The following MEI4 variants were observed in gnomAD, a reference collection of about 807,000 sequenced individuals.
MEI4 encodes the protein meiotic double-stranded break formation protein 4, also known as meiosis-specific protein MEI4.
MEI4 carries 27 observed loss-of-function variants against 31.4 expected under a neutral mutation model. The ratio of observed to expected loss-of-function variants is 0.86; its 90% CI spans 0.63 to 1.19. MEI4 has a LOEUF of 1.19. MEI4 is among the 50% of genes most tolerant of loss of function. MEI4 has a pLI of 0.00. For synonymous variants in MEI4, 122 were observed against 145.4 expected, an observed-to-expected ratio of 0.84 and a Z score of 1.16; for missense variants, 329 against 398.9, an observed-to-expected ratio of 0.82 and a Z score of 1.49.
intron 3 of MEI4, among the ~76,000 whole-genome samples, chr6:77,804,090 C>A (rs1041404550): frequency 1.3e-5 from 2 of 152,180 alleles, no homozygotes; most frequent in Admixed American, 1.3e-4. Context: ...CAGAGGCAGG[C>A]AGGCCTCCTT....
At chr6:77,662,892 T>C (rs1190582882) in intron 1 of MEI4, among the ~76,000 whole-genome samples, 2 of 152,190 alleles carry the variant, frequency 1.3e-5, no homozygotes, top group African/African-American at 2.4e-5. Flanking sequence ...TTGGGCTTGA[T>C]TGAAGTAATG....
At chr6:77,909,974 T>C (rs914053999) in intron 4 of MEI4, among the ~76,000 whole-genome samples, 1 of 152,120 alleles carries the variant, frequency 6.6e-6, no homozygotes, top group Non-Finnish European at 1.5e-5. Context: ...ATTATCTCAA[T>C]AGATGCAGAA....
At chr6:77,876,125 A>G (rs917052369) in intron 4 of MEI4, among the ~76,000 whole-genome samples, 1 of 152,176 alleles carries the variant, frequency 6.6e-6, no homozygotes, top group African/African-American at 2.4e-5. Context: ...CTTTATCTAT[A>G]TGATAGATAG....
intron 4 of MEI4, among the ~76,000 whole-genome samples, chr6:77,919,860 G>A (rs373611757): frequency 6.7e-6 from 1 of 149,828 alleles, no homozygotes. Flanking sequence ...ATCAGAGAAT[G>A]CTACAAACAC....
At chr6:77,734,253 T>A (rs577750898) in intron 2 of MEI4, among the ~76,000 whole-genome samples, 1 of 151,992 alleles carries the variant, frequency 6.6e-6, no homozygotes, top group Non-Finnish European at 1.5e-5. Context: ...TATTAATGTG[T>A]GGGAGTCTAA....
chr6:77,919,929 C>A (rs1255341051), intron 4 of MEI4, among the ~76,000 whole-genome samples: 3 of 148,822 alleles, frequency 2.0e-5, no homozygotes, highest in East Asian at 4.2e-4. Context: ...GACACATACA[C>A]TCTCCCAAGA....
chr6:77,811,024 C>T (rs1769564261), intron 3 of MEI4, among the ~76,000 whole-genome samples: 1 of 152,128 alleles, frequency 6.6e-6, no homozygotes, highest in African/African-American at 2.4e-5. Flanking sequence ...AATTAAAACT[C>T]AATTGCAGTC....
At chr6:77,906,389 T>C (rs1766297027) in intron 4 of MEI4, among the ~76,000 whole-genome samples, 1 of 151,936 alleles carries the variant, frequency 6.6e-6, no homozygotes, top group African/African-American at 2.4e-5. Flanking sequence ...AGTTCAGAGG[T>C]TCCAGCACCA....
chr6:77,809,338 G>A (rs984264192), intron 3 of MEI4, among the ~76,000 whole-genome samples: 2 of 152,170 alleles, frequency 1.3e-5, no homozygotes, highest in South Asian at 2.1e-4. Context: ...AAATAGTTTA[G>A]TGGAGTGGTT....
intron 3 of MEI4, among the ~76,000 whole-genome samples, chr6:77,814,925 G>A (rs777462591): frequency 2.0e-5 from 3 of 152,088 alleles, no homozygotes; most frequent in Non-Finnish European, 4.4e-5. Flanking sequence ...AGTTGATCAA[G>A]ACTTGTCTCA....
chr6:77,876,395 T>G (rs1400740359), intron 4 of MEI4, among the ~76,000 whole-genome samples: 1 of 152,144 alleles, frequency 6.6e-6, no homozygotes, highest in African/African-American at 2.4e-5. Context: ...CAGCTCCATT[T>G]TCTCCTTGTG....
At chr6:77,921,492 G>A (rs1393024230) in intron 4 of MEI4, among the ~76,000 whole-genome samples, 3 of 151,684 alleles carry the variant, frequency 2.0e-5, no homozygotes, top group Non-Finnish European at 4.4e-5. Context: ...TATTATTTGT[G>A]TGTTCAGTGG....
rs76187319 is a variant in MEI4 at position 77,776,476 on chromosome 6, G to C, written c.768+14811G>C. ...TCAGTCCGGTGAGGCCCCAGAAATG[G>C]CTTCCTTCAGGCTTCTGGGAACTTT... On this transcript the variant is annotated intron_variant, in intron 3 of 4. Transcript: ENST00000684080. Among the ~76,000 whole-genome samples, 1,189 of 152,144 alleles carry C rather than the reference G, an allele frequency of 7.8e-3. 19 individuals carry two copies. Among genetic ancestry groups the C allele is most frequent in the African/African-American group, 0.027 (1,140 of 41,526 alleles).
At chr6:77,773,159 T>C (rs13199932) in intron 3 of MEI4, among the ~76,000 whole-genome samples, 126,366 of 151,926 alleles carry the variant, frequency 0.83, 53,048 homozygotes, top group East Asian at 0.95. Context: ...ATCAAAATAC[T>C]AATGGCATTT....
At chr6:77,699,625 G>A (rs187537172) in intron 2 of MEI4, among the ~76,000 whole-genome samples, 230 of 152,330 alleles carry the variant, frequency 1.5e-3, no homozygotes, top group African/African-American at 5.0e-3. Context: ...CTGGTGAGGA[G>A]CTGTGTTCCT....
chr6:77,731,313 T>G (rs113173742), intron 2 of MEI4, among the ~76,000 whole-genome samples: 1 of 145,708 alleles, frequency 6.9e-6, no homozygotes, highest in Non-Finnish European at 1.5e-5. Context: ...TTTTAATGAT[T>G]GCCATTCTAA....
intron 3 of MEI4, among the ~76,000 whole-genome samples, chr6:77,762,041 C>T (rs1331458942): frequency 3.3e-5 from 5 of 152,146 alleles, no homozygotes; most frequent in African/African-American, 7.2e-5. Flanking sequence ...CCAAACTTAA[C>T]GTCTGTGAGT....
intron 3 of MEI4, among the ~76,000 whole-genome samples, chr6:77,822,209 G>T (rs1439860818): frequency 6.6e-6 from 1 of 152,102 alleles, no homozygotes; most frequent in Non-Finnish European, 1.5e-5. Context: ...TTGGTTGATT[G>T]TCCAGTCAGT....
chr6:77,715,167 A>T (rs1766551772), intron 2 of MEI4, among the ~76,000 whole-genome samples: 2 of 152,192 alleles, frequency 1.3e-5, no homozygotes. Context: ...CTGGAAAAAA[A>T]ATGTGTGTTA....
Sources: gnomAD v4.1 joint callset for allele counts (sites outside exome capture counted in the v4.1 genomes callset) on GRCh38, gnomAD v4.1.1 for gene constraint, MANE v1.5 for transcripts, NCBI Gene and HGNC (gene_info 2026-07-23, HGNC 2026-07-21) for gene names.